Variants in CTNND2 observed in about 807,000 individuals in gnomAD.
The protein encoded by CTNND2 is catenin delta 2.
CTNND2 carries 22 observed loss-of-function variants against 144.4 expected under a neutral mutation model. The ratio of observed to expected loss-of-function variants is 0.15; its 90% CI spans 0.11 to 0.22. CTNND2 has a LOEUF of 0.22. Ranked by LOEUF, CTNND2 falls within the 10% of genes least tolerant of loss-of-function variation. The probability of loss-of-function intolerance (pLI) is 1.00; values close to 1 mark genes in which losing one functional copy is unlikely to be tolerated. For missense variants in CTNND2, 1,353 were observed against 1,618.8 expected (o/e 0.84, Z 2.82); for synonymous variants, 751 against 695.6 (o/e 1.08, Z -1.25).
intron 2 of CTNND2, among the ~76,000 whole-genome samples, chr5:11,624,950 C>T (rs1401180277): frequency 6.6e-6 from 1 of 151,688 alleles, no homozygotes; most frequent in East Asian, 1.9e-4. Flanking sequence ...ATTTTAGAGG[C>T]AGCTATCTGT....
At chr5:11,335,167 G>A (rs1372084605) in intron 9 of CTNND2, among the ~76,000 whole-genome samples, 4 of 152,176 alleles carry the variant, frequency 2.6e-5, no homozygotes, top group Non-Finnish European at 5.9e-5. Context: ...TAAGTTACTA[G>A]GATTGTCAAA....
At chr5:11,193,161 G>A (rs1285912761) in intron 11 of CTNND2, among the ~76,000 whole-genome samples, 2 of 152,094 alleles carry the variant, frequency 1.3e-5, no homozygotes, top group Admixed American at 1.3e-4. Context: ...GGCTGAGACT[G>A]TGCAGAATAA....
chr5:11,205,134 C>A (rs1343260361), intron 10 of CTNND2, among the ~76,000 whole-genome samples: 2 of 152,074 alleles, frequency 1.3e-5, no homozygotes, highest in Non-Finnish European at 2.9e-5. Flanking sequence ...GTGCCTGAGA[C>A]TCAAAGTAAA....
intron 1 of CTNND2, among the ~76,000 whole-genome samples, chr5:11,839,640 C>G (rs944337546): frequency 3.9e-5 from 6 of 152,044 alleles, no homozygotes; most frequent in African/African-American, 1.4e-4. Flanking sequence ...ACACCTTGGG[C>G]GCCTCTCCCA....
intron 3 of CTNND2, among the ~76,000 whole-genome samples, chr5:11,429,461 A>G (rs1410389976): frequency 6.6e-6 from 1 of 152,200 alleles, no homozygotes; most frequent in African/African-American, 2.4e-5. Flanking sequence ...GGGGCAGAGC[A>G]GGACCCGGAG....
At chr5:10,989,642 C>A (rs889987782) in intron 19 of CTNND2, among the ~76,000 whole-genome samples, 3 of 152,196 alleles carry the variant, frequency 2.0e-5, no homozygotes, top group Non-Finnish European at 2.9e-5. Context: ...CAAGGCACCT[C>A]TCATGTCACT....
intron 1 of CTNND2, among the ~76,000 whole-genome samples, chr5:11,739,793 C>A (rs527535323): frequency 3.9e-5 from 6 of 152,074 alleles, no homozygotes; most frequent in African/African-American, 1.4e-4. Flanking sequence ...CTTAGAAAAC[C>A]CCATCGTCTC....
At chr5:11,621,926 T>C (rs1360452784) in intron 2 of CTNND2, among the ~76,000 whole-genome samples, 2 of 152,224 alleles carry the variant, frequency 1.3e-5, no homozygotes, top group Non-Finnish European at 2.9e-5. Context: ...CCAAACTCTT[T>C]GCATCTTGCA....
At chr5:11,219,960 C>T (rs911056415) in intron 10 of CTNND2, among the ~76,000 whole-genome samples, 4 of 152,200 alleles carry the variant, frequency 2.6e-5, no homozygotes, top group African/African-American at 9.6e-5. Context: ...CTCCCCAACT[C>T]CACTCACCAA....
intron 1 of CTNND2, among the ~76,000 whole-genome samples, chr5:11,754,721 CT>C (rs2126792507): frequency 6.6e-6 from 1 of 151,610 alleles, no homozygotes; most frequent in African/African-American, 2.4e-5. Flanking sequence ...CCCTTTTTGT[CT>C]GTTTTGATTG....
At chr5:10,985,069 G>A (rs1043058940) in intron 20 of CTNND2, among the ~76,000 whole-genome samples, 33 of 136,208 alleles carry the variant, frequency 2.4e-4, no homozygotes, top group African/African-American at 6.3e-4. Context: ...GTGAAACTCC[G>A]TCTCAAAAAT....
intron 11 of CTNND2, among the ~76,000 whole-genome samples, chr5:11,161,937 GT>G (rs1361811281): frequency 6.6e-6 from 1 of 152,118 alleles, no homozygotes; most frequent in African/African-American, 2.4e-5. Context: ...GGATCACGAG[GT>G]CAGGAGCTCG....
chr5:11,644,996 T>G (rs1166475939), intron 2 of CTNND2, among the ~76,000 whole-genome samples: 1 of 152,170 alleles, frequency 6.6e-6, no homozygotes, highest in Non-Finnish European at 1.5e-5. Flanking sequence ...GGGGTCTCAC[T>G]CTGTCACCCA....
chr5:11,290,032 G>A (rs184402629), intron 9 of CTNND2, among the ~76,000 whole-genome samples: 4 of 152,280 alleles, frequency 2.6e-5, no homozygotes, highest in Non-Finnish European at 4.4e-5. Flanking sequence ...TACAAGGATC[G>A]AGTATAGAGC....
intron 20 of CTNND2, among the ~76,000 whole-genome samples, chr5:10,982,069 T>G (rs111641324): frequency 5.3e-5 from 8 of 152,306 alleles, no homozygotes; most frequent in Admixed American, 3.3e-4. Context: ...CCGCTTGCAA[T>G]AATGTTCACA....
At chr5:11,878,595 A>T (rs2127066402) in intron 1 of CTNND2, among the ~76,000 whole-genome samples, 1 of 152,350 alleles carries the variant, frequency 6.6e-6, no homozygotes, top group South Asian at 2.1e-4. Flanking sequence ...GAAAGTGACT[A>T]GATGTTATTT....
intron 14 of CTNND2, among the ~76,000 whole-genome samples, chr5:11,103,233 C>T (rs62339079): frequency 0.19 from 28,272 of 151,658 alleles, 3,111 homozygotes; most frequent in Non-Finnish European, 0.25. Context: ...CCACCCACCT[C>T]GGCCTCCCAG....
intron 3 of CTNND2, among the ~76,000 whole-genome samples, chr5:11,534,149 C>G (rs372816904): frequency 1.3e-5 from 2 of 152,298 alleles, no homozygotes; most frequent in East Asian, 1.9e-4. Context: ...GCCATTTTCA[C>G]TTTTCTTAAT....
chr5:11,239,162 A>T (rs922493753), intron 9 of CTNND2, among the ~76,000 whole-genome samples: 1 of 152,288 alleles, frequency 6.6e-6, no homozygotes, highest in Non-Finnish European at 1.5e-5. Flanking sequence ...TTTATTAACC[A>T]GTCAGGAATT....
Sources: gnomAD v4.1 joint callset for allele counts (sites outside exome capture counted in the v4.1 genomes callset) on GRCh38, gnomAD v4.1.1 for gene constraint, MANE v1.5 for transcripts, NCBI Gene and HGNC (gene_info 2026-07-23, HGNC 2026-07-21) for gene names.